PTPN12: variants seen among roughly 807,000 people sequenced by gnomAD.
PTPN12 encodes the protein protein tyrosine phosphatase non-receptor type 12, also known as tyrosine-protein phosphatase non-receptor type 12.
PTPN12 carries 29 observed loss-of-function variants against 97.6 expected under a neutral mutation model. The observed-to-expected ratio is 0.30, with a 90% CI of 0.22 to 0.41. The LOEUF (loss-of-function observed/expected upper bound fraction) is 0.41. Ranked by LOEUF, PTPN12 falls within the 10% of genes least tolerant of loss-of-function variation. PTPN12 has a pLI of 1.00. For synonymous variants in PTPN12, 327 were observed against 300.4 expected (o/e 1.09, Z -0.91); for missense variants, 819 against 926.0 (o/e 0.88, Z 1.50).
At chr7:77,548,474 G>T (rs980667190) in intron 1 of PTPN12, among the ~76,000 whole-genome samples, 22 of 152,212 alleles carry the variant, frequency 1.4e-4, no homozygotes, top group Admixed American at 1.3e-4. Context: ...AAACTCTTTA[G>T]TGTTAGAAGG....
chr7:77,538,813 G>A (rs1806807266), intron 1 of PTPN12: 1 of 152,122 alleles, frequency 6.6e-6, no homozygotes, highest in East Asian at 1.9e-4. Flanking sequence ...TGCTCCTACG[G>A]ATATTGCGCA....
intron 15 of PTPN12, among the ~76,000 whole-genome samples, chr7:77,636,400 G>A (rs1471994600): frequency 6.6e-6 from 1 of 151,924 alleles, no homozygotes; most frequent in African/African-American, 2.4e-5. Context: ...TGGGCAACAT[G>A]GGGAGACCTT....
chr7:77,543,075 G>A (rs1584083781), intron 1 of PTPN12, among the ~76,000 whole-genome samples: 1 of 152,154 alleles, frequency 6.6e-6, no homozygotes, highest in East Asian at 1.9e-4. Flanking sequence ...TGTCAGAAAA[G>A]CCAGGGAGAG....
chr7:77,571,281 G>T, intron 2 of PTPN12, 95 bp downstream of exon 2: 1 of 707,988 alleles, frequency 1.4e-6, no homozygotes, highest in Non-Finnish European at 2.3e-6. Flanking sequence ...CACTGTTAAG[G>T]AAGTAGTAAT....
At chr7:77,580,942 A>G (rs972672347) in intron 2 of PTPN12, among the ~76,000 whole-genome samples, 2 of 152,348 alleles carry the variant, frequency 1.3e-5, no homozygotes, top group Middle Eastern at 3.4e-3. Flanking sequence ...CTAGTAAATC[A>G]GAGATAATGT....
chr7:77,591,926 C>G (rs902114259), intron 5 of PTPN12, among the ~76,000 whole-genome samples: 8 of 152,160 alleles, frequency 5.3e-5, no homozygotes, highest in Non-Finnish European at 1.2e-4. Flanking sequence ...TTGGTCTACT[C>G]TGTAGACCTG....
intron 3 of PTPN12, among the ~76,000 whole-genome samples, chr7:77,582,555 G>A (rs1173223559): frequency 6.6e-6 from 1 of 151,988 alleles, no homozygotes; most frequent in Admixed American, 6.6e-5. Flanking sequence ...AGACCTAGGC[G>A]GGTGGATCAC....
At chr7:77,628,071 CG>C (rs1477389966) in intron 13 of PTPN12, among the ~76,000 whole-genome samples, 1 of 152,118 alleles carries the variant, frequency 6.6e-6, no homozygotes, top group African/African-American at 2.4e-5. Context: ...TAATGTTACT[CG>C]TTTTTCCTAA....
chr7:77,599,965 A>G (rs1419073039), intron 7 of PTPN12, among the ~76,000 whole-genome samples: 1 of 152,208 alleles, frequency 6.6e-6, no homozygotes, highest in African/African-American at 2.4e-5. Flanking sequence ...TTGAAATTAA[A>G]ACTGAGAAAT....
intron 1 of PTPN12, among the ~76,000 whole-genome samples, chr7:77,569,582 A>G (rs1167864213): frequency 6.6e-6 from 1 of 152,088 alleles, no homozygotes; most frequent in Admixed American, 6.6e-5. Context: ...ACCAGCCTGG[A>G]TAACATAGTG....
At chr7:77,585,697 A>G in intron 5 of PTPN12, 116 bp downstream of exon 5, 1 of 812,620 alleles carries the variant, frequency 1.2e-6, no homozygotes, top group Non-Finnish European at 1.9e-6. Flanking sequence ...ATTTTGGGGT[A>G]CTGCTGTTGC....
At chr7:77,559,603 T>A (rs1201185722) in intron 1 of PTPN12, among the ~76,000 whole-genome samples, 1 of 152,224 alleles carries the variant, frequency 6.6e-6, no homozygotes, top group Non-Finnish European at 1.5e-5. Flanking sequence ...ATTACCTTCA[T>A]ATGTCAATAG....
At chr7:77,619,676 C>G (rs1014407220) in intron 12 of PTPN12, among the ~76,000 whole-genome samples, 4 of 152,150 alleles carry the variant, frequency 2.6e-5, no homozygotes, top group African/African-American at 9.7e-5. Flanking sequence ...TACTTTACTT[C>G]ATTGTAGTGA....
chr7:77,546,388 C>T (rs1265201737), intron 1 of PTPN12, among the ~76,000 whole-genome samples: 1 of 152,138 alleles, frequency 6.6e-6, no homozygotes, highest in Non-Finnish European at 1.5e-5. Flanking sequence ...TAAGGTAAAT[C>T]AGGTGATATG....
intron 12 of PTPN12, among the ~76,000 whole-genome samples, chr7:77,618,983 A>G (rs1334898797): frequency 1.3e-5 from 2 of 152,178 alleles, no homozygotes; most frequent in African/African-American, 4.8e-5. Context: ...CTTTTCTACC[A>G]AGCTCATTTA....
At chr7:77,634,362 A>G (rs964424300) in intron 14 of PTPN12, among the ~76,000 whole-genome samples, 4 of 152,158 alleles carry the variant, frequency 2.6e-5, no homozygotes, top group South Asian at 2.1e-4. Flanking sequence ...TCACTTGTCT[A>G]AGTACATTTT....
chr7:77,633,547 T>G (rs2151406152), intron 14 of PTPN12, among the ~76,000 whole-genome samples: 1 of 150,894 alleles, frequency 6.6e-6, no homozygotes, highest in African/African-American at 2.4e-5. Context: ...AGGCAGAGGT[T>G]GGAGTGAGCC....
chr7:77,573,710 C>T (rs1368336404), intron 2 of PTPN12, among the ~76,000 whole-genome samples: 1 of 152,174 alleles, frequency 6.6e-6, no homozygotes, highest in Non-Finnish European at 1.5e-5. Context: ...AGCCTGTCCA[C>T]TTTCTTTTTC....
At chr7:77,633,052 C>A (rs1658107021) in intron 14 of PTPN12, among the ~76,000 whole-genome samples, 1 of 152,176 alleles carries the variant, frequency 6.6e-6, no homozygotes, top group South Asian at 2.1e-4. Flanking sequence ...GCACTGATCA[C>A]CTGAGGTCAG....
Sources: allele counts gnomAD v4.1 joint callset (sites outside exome capture counted in the v4.1 genomes callset), GRCh38; gene constraint gnomAD v4.1.1; transcripts MANE v1.5; gene names NCBI Gene and HGNC (gene_info 2026-07-23, HGNC 2026-07-21).